FRMPD4: variants seen among roughly 807,000 people sequenced by gnomAD.
FRMPD4 encodes the protein FERM and PDZ domain containing 4, also known as FERM and PDZ domain-containing protein 4.
Under a neutral mutation model 94.1 loss-of-function variants are expected in FRMPD4, and 22 were observed. The observed-to-expected ratio is 0.23, with a 90% CI of 0.17 to 0.33. The LOEUF (loss-of-function observed/expected upper bound fraction) is 0.33. Among genes scored for constraint, FRMPD4 ranks in the 10% least tolerant of loss-of-function variants. The pLI, the probability that FRMPD4 is intolerant of heterozygous loss-of-function variation, is 1.00. For missense variants in FRMPD4, 1,111 were observed against 1,339.9 expected (o/e 0.83, Z 2.67); for synonymous variants, 631 against 548.6 (o/e 1.15, Z -2.10).
intron 3 of FRMPD4, among the ~76,000 whole-genome samples, chrX:12,130,586 G>A (rs1242149893): frequency 9.0e-6 from 1 of 111,346 alleles, no homozygotes; most frequent in Non-Finnish European, 1.9e-5. Context: ...TTAATTGAAT[G>A]AATTAATAAG....
intron 2 of FRMPD4, among the ~76,000 whole-genome samples, chrX:12,519,474 C>A (rs969842139): frequency 8.9e-6 from 1 of 111,890 alleles, no homozygotes; most frequent in African/African-American, 3.2e-5. Context: ...AGCTTTATGA[C>A]ATTGGATTTG....
intron 1 of FRMPD4, among the ~76,000 whole-genome samples, chrX:12,338,892 T>C (rs1273365425): frequency 8.9e-6 from 1 of 112,525 alleles, no homozygotes; most frequent in African/African-American, 3.2e-5. Context: ...CTGTGTTCCA[T>C]GTTGGATTTT....
chrX:12,036,158 T>C (rs900438858), intron 3 of FRMPD4, among the ~76,000 whole-genome samples: 5 of 111,831 alleles, frequency 4.5e-5, no homozygotes, highest in Admixed American at 9.5e-5. Flanking sequence ...TCTCCAATAA[T>C]AGAACCAATG....
chrX:12,110,879 C>G (rs1339664154), intron 3 of FRMPD4, among the ~76,000 whole-genome samples: 1 of 111,130 alleles, frequency 9.0e-6, no homozygotes, highest in East Asian at 2.8e-4. Flanking sequence ...TGAAGGACCT[C>G]TTCAAGGAGA....
rs762530729 is a variant in FRMPD4, at chrX:12,061,548, A to G, written c.95+183530A>G. 5.4e-5 allele frequency among the ~76,000 whole-genome samples: 6 copies of G among 111,986 alleles called. No individual in the cohort carries two copies. The East Asian group carries it at 1.7e-3, about 31-fold the overall frequency. Reference sequence around the variant, plus strand: ...AAGTTAACCAGTTAGGAAGATACAGAAATGAGTGGCCAAATGGAGTCCTAC... The same window carrying G: ...AAGTTAACCAGTTAGGAAGATACAGGAATGAGTGGCCAAATGGAGTCCTAC... On this transcript the variant is annotated intron_variant, in intron 3 of 18. Coordinates refer to the FRMPD4 transcript ENST00000640291.
At chrX:11,928,364 G>A (rs2054101427) in intron 3 of FRMPD4, among the ~76,000 whole-genome samples, 1 of 111,960 alleles carries the variant, frequency 8.9e-6, no homozygotes. Flanking sequence ...TCTTCATATG[G>A]CAGCAGGAGA....
chrX:12,648,925 A>C (rs1259195726), intron 4 of FRMPD4, among the ~76,000 whole-genome samples: 1 of 112,132 alleles, frequency 8.9e-6, no homozygotes, highest in East Asian at 2.8e-4. Flanking sequence ...AAATAATGAA[A>C]CCTACCTTGA....
intron 1 of FRMPD4, among the ~76,000 whole-genome samples, chrX:12,188,575 G>GAGC (rs1305565530): frequency 4.5e-5 from 5 of 111,838 alleles, no homozygotes; most frequent in Admixed American, 1.9e-4. Context: ...CGTTTTAACT[G>GAGC]AGCACAGAAT....
chrX:12,680,911 G>A (rs745556115), intron 5 of FRMPD4, among the ~76,000 whole-genome samples: 1 of 110,931 alleles, frequency 9.0e-6, no homozygotes, highest in South Asian at 4.0e-4. Context: ...TCAGGGGCAA[G>A]TAACCTTACG....
At chrX:12,003,285 A>C (rs993652340) in intron 3 of FRMPD4, among the ~76,000 whole-genome samples, 4 of 111,895 alleles carry the variant, frequency 3.6e-5, no homozygotes, top group African/African-American at 1.3e-4. Flanking sequence ...TAGGGATATA[A>C]TAGGATTAAT....
rs2055637587 is a variant in FRMPD4 at position 12,138,697 on chromosome X, T to C, written c.-275T>C. 6 of 299,896 alleles carry C rather than the reference T, an allele frequency of 2.0e-5. No individual in the cohort carries two copies. The highest frequency in any genetic ancestry group is 3.5e-5 in the Non-Finnish European group (6 of 172,906). 24.7% of individuals were successfully genotyped at this position (299,896 alleles called of 1,213,427 possible). On this transcript the variant is annotated 5_prime_UTR_variant, in exon 1 of 17. Transcript: ENST00000675598. ...GGGCCGCGCTCCCCGCCCCCGCCTCTTGCGCCCTGCCTGGCTCCCTCTCCA... is the reference window on the plus strand; with the variant it reads ...GGGCCGCGCTCCCCGCCCCCGCCTCCTGCGCCCTGCCTGGCTCCCTCTCCA...
At chrX:12,276,914 G>A in intron 1 of FRMPD4, among the ~76,000 whole-genome samples, 1 of 110,220 alleles carries the variant, frequency 9.1e-6, no homozygotes, top group South Asian at 4.0e-4. Context: ...GAGGTCAGGA[G>A]ATCGAGACCA....
chrX:12,160,068 G>GTGTGTGT (rs1555927313), intron 1 of FRMPD4, among the ~76,000 whole-genome samples: 1 of 100,083 alleles, frequency 1.0e-5, no homozygotes, highest in African/African-American at 3.7e-5. Flanking sequence ...GATGTTGAGG[G>GTGTGTGT]GTGTGTGTGT....
At chrX:12,687,064 G>A (rs188015951) in intron 7 of FRMPD4, among the ~76,000 whole-genome samples, 3 of 111,388 alleles carry the variant, frequency 2.7e-5, no homozygotes, top group Admixed American at 9.6e-5. Context: ...ATCAATATCC[G>A]ACCTCTAATT....
At chrX:12,019,979 T>C (rs901133381) in intron 3 of FRMPD4, among the ~76,000 whole-genome samples, 15 of 112,153 alleles carry the variant, frequency 1.3e-4, no homozygotes, top group Non-Finnish European at 1.9e-5. Context: ...TTTATGTATA[T>C]AGAAACTGAG....
chrX:12,390,188 A>G (rs193293922), intron 1 of FRMPD4, among the ~76,000 whole-genome samples: 296 of 112,449 alleles, frequency 2.6e-3, no homozygotes, highest in South Asian at 9.9e-3. Context: ...ACTTGCCACC[A>G]TTGTGGTTTT....
intron 3 of FRMPD4, among the ~76,000 whole-genome samples, chrX:12,005,189 G>C (rs891132060): frequency 2.7e-5 from 3 of 109,126 alleles, no homozygotes; most frequent in Non-Finnish European, 5.7e-5. Context: ...AAACTATAGA[G>C]TGCTTAAGAA....
intron 1 of FRMPD4, among the ~76,000 whole-genome samples, chrX:12,475,884 A>C (rs200938336): frequency 0.45 from 49,384 of 109,625 alleles, 8,874 homozygotes; most frequent in South Asian, 0.6. Context: ...AATGGCCATA[A>C]TGCCCAAGGT....
chrX:12,328,468 G>T (rs2055322030), intron 1 of FRMPD4, among the ~76,000 whole-genome samples: 1 of 111,915 alleles, frequency 8.9e-6, no homozygotes, highest in Non-Finnish European at 1.9e-5. Context: ...TTTGACTGCA[G>T]TTGTGTGAGT....
Sources: allele counts gnomAD v4.1 joint callset (sites outside exome capture counted in the v4.1 genomes callset), GRCh38; gene constraint gnomAD v4.1.1; transcripts MANE v1.5; gene names NCBI Gene and HGNC (gene_info 2026-07-23, HGNC 2026-07-21).